POU6F2: variants seen among roughly 807,000 people sequenced by gnomAD.
POU6F2 encodes POU class 6 homeobox 2.
POU6F2 carries 31 observed loss-of-function variants against 71.3 expected under a neutral mutation model. The observed-to-expected ratio is 0.43, with a 90% CI of 0.33 to 0.59. The LOEUF is 0.59. Ranked by LOEUF, POU6F2 falls within the 20% of genes least tolerant of loss-of-function variation. The pLI, the probability that POU6F2 is intolerant of heterozygous loss-of-function variation, is 0.04. For missense variants in POU6F2, 783 were observed against 856.8 expected, an observed-to-expected ratio of 0.91 and a Z score of 1.07; for synonymous variants, 347 against 355.7, an observed-to-expected ratio of 0.98 and a Z score of 0.27.
At chr7:39,033,269 A>C (rs1789986513) in intron 1 of POU6F2, among the ~76,000 whole-genome samples, 1 of 152,220 alleles carries the variant, frequency 6.6e-6, no homozygotes, top group South Asian at 2.1e-4. Flanking sequence ...AGGAACATAT[A>C]TGTGCGTTGG....
At chr7:39,012,197 A>G (rs1259257949) in intron 1 of POU6F2, among the ~76,000 whole-genome samples, 7 of 151,914 alleles carry the variant, frequency 4.6e-5, no homozygotes, top group African/African-American at 1.5e-4. Context: ...ACATAGTCCC[A>G]TATTTCTTGG....
At chr7:38,983,707 A>T (rs967824706) in intron 1 of POU6F2, among the ~76,000 whole-genome samples, 17 of 152,022 alleles carry the variant, frequency 1.1e-4, no homozygotes, top group Non-Finnish European at 1.9e-4. Flanking sequence ...TTACTGGAAA[A>T]ATTCCTTCCT....
At chr7:39,455,940 C>G (rs1298270641) in intron 8 of POU6F2, among the ~76,000 whole-genome samples, 1 of 152,206 alleles carries the variant, frequency 6.6e-6, no homozygotes, top group Non-Finnish European at 1.5e-5. Flanking sequence ...TTATGAGTCA[C>G]TGCCAGTTTT....
chr7:39,449,490 G>T (rs1024834933), intron 7 of POU6F2, among the ~76,000 whole-genome samples: 1 of 152,166 alleles, frequency 6.6e-6, no homozygotes, highest in African/African-American at 2.4e-5. Flanking sequence ...CTCATACATT[G>T]CTGGTGGGAA....
chr7:39,261,554 G>A (rs549600979), intron 4 of POU6F2, among the ~76,000 whole-genome samples: 5 of 152,246 alleles, frequency 3.3e-5, no homozygotes, highest in South Asian at 2.1e-4. Flanking sequence ...GGTAGGAACC[G>A]TTATCAACCC....
At chr7:39,374,930 A>G (rs902973424) in intron 5 of POU6F2, among the ~76,000 whole-genome samples, 1 of 152,152 alleles carries the variant, frequency 6.6e-6, no homozygotes, top group Non-Finnish European at 1.5e-5. Flanking sequence ...TACTGCAGCA[A>G]TGCCGTCTCA....
Position 39,468,012 on chromosome 7 carries a change from A to G in POU6F2, c.*3326A>G, listed in dbSNP as rs1190363495. 2 of 152,146 alleles carry G rather than the reference A, an allele frequency of 1.3e-5. No individual in the cohort carries two copies. The highest frequency in any genetic ancestry group is 2.9e-5 in the Non-Finnish European group (2 of 68,034). 9.4% of individuals were successfully genotyped at this position (152,146 alleles called of 1,614,324 possible). On this transcript the variant is annotated 3_prime_UTR_variant, in exon 10 of 10. Coordinates refer to ENST00000518318, the MANE Select transcript of POU6F2 (RefSeq NM_001370959.1). ...TGTTTTACCTCAGCACTCTACTTGT[A>G]CCCAGTTAATGACCAAGCTTAAAAA...
At chr7:38,981,817 A>T (rs1788323071) in intron 1 of POU6F2, among the ~76,000 whole-genome samples, 2 of 152,212 alleles carry the variant, frequency 1.3e-5, no homozygotes, top group Admixed American at 6.5e-5. Flanking sequence ...AAACTAATGC[A>T]AATGTCTCAG....
At chr7:39,153,353 C>T (rs1432552435) in intron 2 of POU6F2, among the ~76,000 whole-genome samples, 1 of 152,078 alleles carries the variant, frequency 6.6e-6, no homozygotes, top group African/African-American at 2.4e-5. Flanking sequence ...TGTGACATGC[C>T]TTGCATCTCT....
intron 4 of POU6F2, among the ~76,000 whole-genome samples, chr7:39,319,031 C>T (rs778896504): frequency 6.6e-6 from 1 of 152,070 alleles, no homozygotes; most frequent in African/African-American, 2.4e-5. Context: ...ACTAGAGGAG[C>T]TGAGGCAGGA....
intron 2 of POU6F2, among the ~76,000 whole-genome samples, chr7:39,175,947 A>G (rs991184922): frequency 6.6e-6 from 1 of 152,192 alleles, no homozygotes; most frequent in East Asian, 1.9e-4. Context: ...CCTTCCATCT[A>G]GGAAGACTGG....
In POU6F2 at chr7:39,070,373, C is replaced by CCCTCCACACTTCTGCTTTTG. The variant is rs368493023; in HGVS notation, c.106-15461_106-15442dup. ...CTAGTGCTTAAACTACCAGGCATCT[C>CCCTCCACACTTCTGCTTTTG]CCTCCACACTTCTGCTTTTGCCTCC... On this transcript the variant is annotated intron_variant, in intron 1 of 9. Coordinates refer to ENST00000518318, the MANE Select transcript of POU6F2 (RefSeq NM_001370959.1). Among the ~76,000 whole-genome samples, 1,230 of 151,954 alleles carry CCCTCCACACTTCTGCTTTTG rather than the reference C, an allele frequency of 8.1e-3. 21 individuals are homozygous for CCCTCCACACTTCTGCTTTTG. Among genetic ancestry groups the CCCTCCACACTTCTGCTTTTG allele is most frequent in the African/African-American group, 0.028 (1,175 of 41,334 alleles).
intron 1 of POU6F2, among the ~76,000 whole-genome samples, chr7:39,067,814 T>TA (rs1168372395): frequency 6.6e-6 from 1 of 152,124 alleles, no homozygotes; most frequent in East Asian, 1.9e-4. Context: ...AATTAGCTAA[T>TA]AAACTTGAAA....
chr7:39,455,040 C>A (rs1410761570), intron 8 of POU6F2, among the ~76,000 whole-genome samples: 1 of 152,066 alleles, frequency 6.6e-6, no homozygotes, highest in Non-Finnish European at 1.5e-5. Context: ...CACCTACACA[C>A]CTTGCCTTGT....
intron 4 of POU6F2, among the ~76,000 whole-genome samples, chr7:39,237,941 G>A (rs998202411): frequency 6.6e-6 from 1 of 151,996 alleles, no homozygotes; most frequent in Non-Finnish European, 1.5e-5. Context: ...TCCATTTCTC[G>A]TGTTGATGGA....
intron 1 of POU6F2, among the ~76,000 whole-genome samples, chr7:39,024,134 T>C (rs1290389720): frequency 6.6e-6 from 1 of 152,230 alleles, no homozygotes; most frequent in African/African-American, 2.4e-5. Context: ...TTCCTACCCA[T>C]GAGCATGGAA....
intron 1 of POU6F2, among the ~76,000 whole-genome samples, chr7:38,990,039 T>C (rs924604394): frequency 6.6e-6 from 1 of 152,106 alleles, no homozygotes; most frequent in Non-Finnish European, 1.5e-5. Flanking sequence ...TTGCCTAAAT[T>C]TGAAATCAAA....
chr7:39,211,473 T>A (rs1034055028), intron 4 of POU6F2, among the ~76,000 whole-genome samples: 2 of 152,212 alleles, frequency 1.3e-5, no homozygotes, highest in Non-Finnish European at 2.9e-5. Flanking sequence ...GTCCTTGCTC[T>A]GAGATTTTAT....
chr7:39,332,927 G>T (rs1188688396), intron 4 of POU6F2, among the ~76,000 whole-genome samples: 2 of 151,978 alleles, frequency 1.3e-5, no homozygotes, highest in African/African-American at 2.4e-5. Flanking sequence ...TTTACTTTGG[G>T]GTGCCCACAT....
Sources: allele counts gnomAD v4.1 joint callset (sites outside exome capture counted in the v4.1 genomes callset), GRCh38; gene constraint gnomAD v4.1.1; transcripts MANE v1.5; gene names NCBI Gene and HGNC (gene_info 2026-07-23, HGNC 2026-07-21).